The following FAM193A variants were observed in gnomAD, a reference collection of about 807,000 sequenced individuals.
FAM193A encodes the protein protein FAM193A.
Under a neutral mutation model 126.5 loss-of-function variants are expected in FAM193A, and 22 were observed. The ratio of observed to expected loss-of-function variants is 0.17; its 90% CI spans 0.12 to 0.25. The LOEUF (loss-of-function observed/expected upper bound fraction) is 0.25, where lower values mean the gene tolerates loss of function less well. FAM193A is among the 10% of genes least tolerant of loss of function. FAM193A has a pLI of 1.00. For missense variants in FAM193A, 1,675 were observed against 1,672.8 expected (o/e 1.00, Z -0.02); for synonymous variants, 761 against 646.8 (o/e 1.18, Z -2.68).
At chr4:2,545,604 G>A (rs774036177) in intron 1 of FAM193A, among the ~76,000 whole-genome samples, 8 of 152,056 alleles carry the variant, frequency 5.3e-5, no homozygotes, top group Non-Finnish European at 8.8e-5. Flanking sequence ...TGACTTTAGT[G>A]GGTACTGCCT....
chr4:2,705,311 T>C (rs1577241893), intron 19 of FAM193A, among the ~76,000 whole-genome samples: 1 of 152,240 alleles, frequency 6.6e-6, no homozygotes, highest in East Asian at 1.9e-4. Context: ...TTGTGTATGC[T>C]TTTCAGTCAG....
intron 4 of FAM193A, 142 bp downstream of exon 4, chr4:2,626,719 C>T: frequency 1.8e-6 from 1 of 571,040 alleles, no homozygotes; most frequent in Non-Finnish European, 3.2e-6. Flanking sequence ...AAGACTGCAG[C>T]AGATGAACTG....
chr4:2,646,061 C>G (rs775772809), intron 6 of FAM193A, among the ~76,000 whole-genome samples: 1 of 150,836 alleles, frequency 6.6e-6, no homozygotes. Flanking sequence ...CTTTGCAATT[C>G]CATATTTGGT....
chr4:2,664,558 C>CTTTTTTTTTTTTTTTT (rs33958851), intron 12 of FAM193A, among the ~76,000 whole-genome samples: 19 of 73,076 alleles, frequency 2.6e-4, no homozygotes, highest in Admixed American at 4.7e-4. Flanking sequence ...TATTTTCTTT[C>CTTTTTTTTTTTTTTTT]TTTTTTTTTT....
chr4:2,702,281 C>G (rs1717819612), intron 19 of FAM193A, among the ~76,000 whole-genome samples: 1 of 152,136 alleles, frequency 6.6e-6, no homozygotes. Flanking sequence ...TCAGTGGGAG[C>G]CCCCTCGGAA....
chr4:2,574,456 T>G (rs556067618), intron 1 of FAM193A, among the ~76,000 whole-genome samples: 5 of 152,306 alleles, frequency 3.3e-5, no homozygotes, highest in Middle Eastern at 6.8e-3. Flanking sequence ...TCAGAGTGCC[T>G]TTGAGATATC....
At chr4:2,587,835 G>C (rs1345904043) in intron 1 of FAM193A, among the ~76,000 whole-genome samples, 1 of 152,204 alleles carries the variant, frequency 6.6e-6, no homozygotes, top group East Asian at 1.9e-4. Flanking sequence ...GGAGATCGTT[G>C]TGTTTCTTCA....
At chr4:2,691,149 G>T (rs948965193) in intron 15 of FAM193A, among the ~76,000 whole-genome samples, 179 bp downstream of exon 15, 10 of 152,240 alleles carry the variant, frequency 6.6e-5, no homozygotes, top group Non-Finnish European at 1.3e-4. Context: ...ACTTTGATTA[G>T]AATTTTAGCT....
At chr4:2,629,056 G>C (rs1743275811) in intron 4 of FAM193A, among the ~76,000 whole-genome samples, 2 of 152,008 alleles carry the variant, frequency 1.3e-5, no homozygotes, top group African/African-American at 4.8e-5. Context: ...GTTTCACCGT[G>C]TTAGCCAGGA....
chr4:2,624,148 G>A (rs559868936), intron 2 of FAM193A, among the ~76,000 whole-genome samples: 1 of 152,240 alleles, frequency 6.6e-6, no homozygotes, highest in South Asian at 2.1e-4. Flanking sequence ...TTTGGCGTGG[G>A]ACATAGGAAG....
intron 18 of FAM193A, among the ~76,000 whole-genome samples, chr4:2,698,221 C>T (rs1717264856): frequency 6.6e-6 from 1 of 152,250 alleles, no homozygotes; most frequent in Admixed American, 6.5e-5. Flanking sequence ...GGCAGCCGTT[C>T]TGCTGGAGAC....
At chr4:2,653,498 C>T (rs1745875033) in intron 7 of FAM193A, among the ~76,000 whole-genome samples, 1 of 152,006 alleles carries the variant, frequency 6.6e-6, no homozygotes, top group Admixed American at 6.5e-5. Context: ...GGCTGGAGTG[C>T]AGTGGTGTGA....
chr4:2,577,658 A>C (rs1739687443), intron 1 of FAM193A, among the ~76,000 whole-genome samples: 2 of 151,980 alleles, frequency 1.3e-5, no homozygotes, highest in Non-Finnish European at 2.9e-5. Flanking sequence ...ACCTCAAGTG[A>C]TCCACCTGCC....
At chr4:2,584,404 C>T (rs1162666928) in intron 1 of FAM193A, among the ~76,000 whole-genome samples, 6 of 141,602 alleles carry the variant, frequency 4.2e-5, no homozygotes, top group Admixed American at 2.9e-4. Context: ...CCAGCCTGGG[C>T]GACAGAGTGA....
intron 19 of FAM193A, among the ~76,000 whole-genome samples, chr4:2,712,745 T>C (rs1424008006): frequency 7.2e-5 from 11 of 152,328 alleles, no homozygotes; most frequent in African/African-American, 2.4e-4. Context: ...ATTTTCTATT[T>C]ACTGTTTTGT....
At chr4:2,542,052 G>C (rs943005924) in intron 1 of FAM193A, among the ~76,000 whole-genome samples, 3 of 150,060 alleles carry the variant, frequency 2.0e-5, no homozygotes, top group Non-Finnish European at 4.4e-5. Flanking sequence ...GTCTCACTGC[G>C]TCACCCCAGC....
At chr4:2,653,310 A>G (rs750398943) in intron 7 of FAM193A, among the ~76,000 whole-genome samples, 32 of 152,356 alleles carry the variant, frequency 2.1e-4, no homozygotes, top group Middle Eastern at 6.8e-3. Flanking sequence ...AAAATAACAC[A>G]TACATGTTCT....
intron 2 of FAM193A, among the ~76,000 whole-genome samples, chr4:2,615,871 C>G (rs961865323): frequency 3.3e-5 from 5 of 150,780 alleles, no homozygotes; most frequent in African/African-American, 1.2e-4. Context: ...AATGTAGTGG[C>G]GCGATCTCAG....
chr4:2,556,326 C>G (rs567693866), intron 1 of FAM193A, among the ~76,000 whole-genome samples: 20 of 152,156 alleles, frequency 1.3e-4, no homozygotes, highest in Non-Finnish European at 2.9e-4. Flanking sequence ...CTGCCTCAGC[C>G]TTCCGAGTAG....
Sources: allele counts gnomAD v4.1 joint callset (sites outside exome capture counted in the v4.1 genomes callset), GRCh38; gene constraint gnomAD v4.1.1; transcripts MANE v1.5; gene names NCBI Gene and HGNC (gene_info 2026-07-23, HGNC 2026-07-21).